Variants in CADPS2 observed in about 807,000 individuals in gnomAD.
CADPS2 encodes the protein calcium dependent secretion activator 2, also known as calcium-dependent secretion activator 2.
In CADPS2, 93 loss-of-function variants were observed where a neutral mutation model predicts 172.5. The observed-to-expected ratio is 0.54, with a 90% CI of 0.46 to 0.64. CADPS2 has a LOEUF of 0.64. Among genes scored for constraint, CADPS2 ranks in the 30% least tolerant of loss-of-function variants. CADPS2 has a pLI of 0.00. For missense variants in CADPS2, 1,420 were observed against 1,565.9 expected (o/e 0.91, Z 1.57); for synonymous variants, 546 against 555.2 (o/e 0.98, Z 0.23).
At chr7:122,405,192 C>A (rs2046495380) in intron 20 of CADPS2, among the ~76,000 whole-genome samples, 1 of 152,036 alleles carries the variant, frequency 6.6e-6, no homozygotes, top group Admixed American at 6.5e-5. Context: ...GGACTTAATG[C>A]CTAATATATA....
At chr7:122,513,217 G>A in intron 9 of CADPS2, 32 bp downstream of exon 9, 1 of 1,448,274 alleles carries the variant, frequency 6.9e-7, no homozygotes, top group Non-Finnish European at 9.5e-7. Context: ...TGCTATCTTA[G>A]AGTGATTATT....
chr7:122,639,567 T>C (rs2077392654), intron 3 of CADPS2, among the ~76,000 whole-genome samples: 2 of 152,162 alleles, frequency 1.3e-5, no homozygotes, highest in African/African-American at 4.8e-5. Flanking sequence ...ATTACTTACA[T>C]AGGTCCATGA....
At chr7:122,723,735 T>G (rs980383488) in intron 2 of CADPS2, among the ~76,000 whole-genome samples, 1 of 152,158 alleles carries the variant, frequency 6.6e-6, no homozygotes, top group Non-Finnish European at 1.5e-5. Context: ...ACACATATGT[T>G]TATTGTGGCA....
rs545141724 is a variant in CADPS2 at position 122,714,671 on chromosome 7, T to C, written c.453+22284A>G. ...CAAGAGGAGACTAGCACAAGATCCA[T>C]TGCCACTCATAGGAATAAGTCTATT... On this transcript the variant is annotated intron_variant, in intron 2 of 29. Coordinates refer to ENST00000449022, the MANE Select transcript of CADPS2 (RefSeq NM_017954.11). Among the ~76,000 whole-genome samples the C allele has an allele frequency of 2.0e-4, 31 of 152,210 alleles. No individual in the cohort carries two copies. In the East Asian group the frequency reaches 3.7e-3, roughly 18 times the overall value.
At chr7:122,339,586 AG>A (rs2036458449) in intron 28 of CADPS2, among the ~76,000 whole-genome samples, 2 of 152,212 alleles carry the variant, frequency 1.3e-5, no homozygotes, top group Admixed American at 1.3e-4. Context: ...GTGAAGCACT[AG>A]CTCAAAAGTT....
At chr7:122,870,024 AAAG>A (rs1335909801) in intron 1 of CADPS2, among the ~76,000 whole-genome samples, 1 of 152,040 alleles carries the variant, frequency 6.6e-6, no homozygotes, top group East Asian at 1.9e-4. Context: ...GAACACAGCA[AAAG>A]AAGAGAGGAA....
chr7:122,711,185 C>T (rs2088652466), intron 2 of CADPS2, among the ~76,000 whole-genome samples: 1 of 151,912 alleles, frequency 6.6e-6, no homozygotes, highest in African/African-American at 2.4e-5. Flanking sequence ...CTCCAAAAGT[C>T]GAGAATAAAT....
chr7:122,396,754 G>T (rs1368710648), intron 20 of CADPS2, among the ~76,000 whole-genome samples: 2 of 152,098 alleles, frequency 1.3e-5, no homozygotes, highest in African/African-American at 2.4e-5. Context: ...CCCTGGACAG[G>T]TTTCCACTGT....
chr7:122,321,398 C>T (rs1410827896), intron 29 of CADPS2, among the ~76,000 whole-genome samples: 1 of 152,204 alleles, frequency 6.6e-6, no homozygotes, highest in Non-Finnish European at 1.5e-5. Context: ...GAACCCCTGG[C>T]CTCAAATGAT....
chr7:122,776,486 A>G (rs2093885985), intron 1 of CADPS2, among the ~76,000 whole-genome samples: 1 of 152,118 alleles, frequency 6.6e-6, no homozygotes, highest in Non-Finnish European at 1.5e-5. Context: ...GGGTACTGCT[A>G]TAAGGATACC....
At chr7:122,652,245 C>G (rs996950699) in intron 3 of CADPS2, among the ~76,000 whole-genome samples, 7 of 152,304 alleles carry the variant, frequency 4.6e-5, no homozygotes, top group African/African-American at 1.7e-4. Flanking sequence ...CTCTCTCTCT[C>G]TCTCTACATA....
intron 17 of CADPS2, among the ~76,000 whole-genome samples, chr7:122,418,454 G>A (rs1042686157): frequency 6.6e-6 from 1 of 152,186 alleles, no homozygotes; most frequent in African/African-American, 2.4e-5. Flanking sequence ...AAGTAGACTA[G>A]ATGACTATAT....
At chr7:122,395,245 G>A (rs1337283897) in intron 20 of CADPS2, among the ~76,000 whole-genome samples, 1 of 152,150 alleles carries the variant, frequency 6.6e-6, no homozygotes, top group Non-Finnish European at 1.5e-5. Context: ...ACAACTACAG[G>A]CACATAAATT....
intron 9 of CADPS2, among the ~76,000 whole-genome samples, chr7:122,501,874 CA>C (rs1173009562): frequency 0.032 from 1,355 of 42,230 alleles, 3 homozygotes; most frequent in African/African-American, 0.097. Context: ...GACTCCGTCT[CA>C]AAAAAAAAAA....
intron 14 of CADPS2, among the ~76,000 whole-genome samples, chr7:122,462,319 C>T (rs1160992537): frequency 6.6e-6 from 1 of 151,698 alleles, no homozygotes; most frequent in Non-Finnish European, 1.5e-5. Context: ...ATTTCAGCAA[C>T]ATGCCTGGTA....
chr7:122,850,179 C>T, intron 1 of CADPS2: 1 of 1,110,582 alleles, frequency 9.0e-7, no homozygotes. Context: ...ACAACTAAGC[C>T]CATGCTGATA....
At chr7:122,406,221 G>C (rs1302129801) in intron 20 of CADPS2, among the ~76,000 whole-genome samples, 1 of 152,096 alleles carries the variant, frequency 6.6e-6, no homozygotes, top group Non-Finnish European at 1.5e-5. Flanking sequence ...AGGAAGTTAA[G>C]AAAGACTAGA....
intron 1 of CADPS2, among the ~76,000 whole-genome samples, chr7:122,820,540 C>CTGTTTTT (rs1360377216): frequency 1.4e-4 from 19 of 133,074 alleles, no homozygotes; most frequent in African/African-American, 2.1e-4. Context: ...CTTGACCTTA[C>CTGTTTTT]TGTTTTTTGT....
chr7:122,369,208 T>G (rs938097858), intron 25 of CADPS2, among the ~76,000 whole-genome samples: 1 of 133,408 alleles, frequency 7.5e-6, no homozygotes, highest in African/African-American at 2.8e-5. Flanking sequence ...CTCGGCTCAC[T>G]GCAAGCTCCG....
Sources: gnomAD v4.1 joint callset for allele counts (sites outside exome capture counted in the v4.1 genomes callset) on GRCh38, gnomAD v4.1.1 for gene constraint, MANE v1.5 for transcripts, NCBI Gene and HGNC (gene_info 2026-07-23, HGNC 2026-07-21) for gene names.